SLC38A4: variants seen among roughly 807,000 people sequenced by gnomAD.
SLC38A4 encodes the protein sodium-coupled neutral amino acid transporter 4.
Under a neutral mutation model 63.1 loss-of-function variants are expected in SLC38A4, and 20 were observed. The ratio of observed to expected loss-of-function variants is 0.32; its 90% CI spans 0.22 to 0.46. The LOEUF (loss-of-function observed/expected upper bound fraction) is 0.46, where lower values mean the gene tolerates loss of function less well. SLC38A4 is among the 20% of genes least tolerant of loss of function. The pLI is 1.00. For missense variants in SLC38A4, 526 were observed against 663.6 expected, an observed-to-expected ratio of 0.79 and a Z score of 2.28; for synonymous variants, 230 against 225.5, an observed-to-expected ratio of 1.02 and a Z score of -0.18.
At chr12:46,788,482 G>C in intron 4 of SLC38A4, 46 bp downstream of exon 4, 3 of 1,474,748 alleles carry the variant, frequency 2.0e-6, no homozygotes, top group Non-Finnish European at 2.8e-6. Flanking sequence ...AGGTAGATCA[G>C]ACACCCTCAG....
chr12:46,804,347 C>G (rs922441510), intron 1 of SLC38A4, among the ~76,000 whole-genome samples: 2 of 151,818 alleles, frequency 1.3e-5, no homozygotes, highest in African/African-American at 4.8e-5. Flanking sequence ...ACTTGGCTCT[C>G]AACATGTCAG....
At chr12:46,770,701 A>G (rs1208960043) in intron 14 of SLC38A4, among the ~76,000 whole-genome samples, 1 of 151,932 alleles carries the variant, frequency 6.6e-6, no homozygotes, top group Non-Finnish European at 1.5e-5. Context: ...AGTTGAAAAC[A>G]CTCTTATCTT....
chr12:46,783,009 T>A (rs1331153148), intron 7 of SLC38A4, among the ~76,000 whole-genome samples: 10 of 90,364 alleles, frequency 1.1e-4, no homozygotes, highest in African/African-American at 3.5e-4. Flanking sequence ...GTGAGCAGAG[T>A]GAGAGAGAAA....
upstream of SLC38A4, among the ~76,000 whole-genome samples, chr12:46,826,571 C>T (rs1335606307): frequency 6.6e-6 from 1 of 152,132 alleles, no homozygotes; most frequent in Admixed American, 6.5e-5. Context: ...CTCCTAAAAT[C>T]CCTGTGAGGT....
intron 1 of SLC38A4, among the ~76,000 whole-genome samples, chr12:46,809,441 A>T (rs1027385001): frequency 1.3e-5 from 2 of 152,068 alleles, no homozygotes; most frequent in Non-Finnish European, 2.9e-5. Context: ...TCTCCTCAGT[A>T]GAGAAGAGGG....
intron 1 of SLC38A4, among the ~76,000 whole-genome samples, chr12:46,806,525 C>G (rs1230105813): frequency 6.6e-6 from 1 of 151,794 alleles, no homozygotes; most frequent in East Asian, 1.9e-4. Flanking sequence ...AGAATAATGG[C>G]AGAAGGAAAG....
At chr12:46,801,446 C>T (rs1939131116) in intron 2 of SLC38A4, among the ~76,000 whole-genome samples, 1 of 152,030 alleles carries the variant, frequency 6.6e-6, no homozygotes, top group Admixed American at 6.6e-5. Context: ...TTACTGTAAA[C>T]ATTTATTTTA....
chr12:46,771,540 C>G (rs180408), intron 14 of SLC38A4, among the ~76,000 whole-genome samples: 104,091 of 151,904 alleles, frequency 0.69, 37,120 homozygotes, highest in Middle Eastern at 0.81. Context: ...AAGTTTATGG[C>G]AATAATAGGT....
intron 1 of SLC38A4, among the ~76,000 whole-genome samples, chr12:46,804,395 G>A (rs1016071174): frequency 6.6e-6 from 1 of 151,714 alleles, no homozygotes; most frequent in East Asian, 1.9e-4. Flanking sequence ...TTATATGTTG[G>A]CAAATCATTT....
At chr12:46,801,616 G>T (rs368294572) in intron 2 of SLC38A4, among the ~76,000 whole-genome samples, 1 of 152,052 alleles carries the variant, frequency 6.6e-6, no homozygotes, top group Non-Finnish European at 1.5e-5. Flanking sequence ...CCCTTTGGTT[G>T]AGCAAGGGTC....
intron 1 of SLC38A4, among the ~76,000 whole-genome samples, chr12:46,822,788 T>C (rs930919609): frequency 1.3e-5 from 2 of 152,218 alleles, no homozygotes; most frequent in East Asian, 1.9e-4. Context: ...AATGTTTGTA[T>C]AGAGTTTGGC....
intron 1 of SLC38A4, among the ~76,000 whole-genome samples, chr12:46,820,419 C>T (rs544479187): frequency 6.6e-6 from 1 of 152,128 alleles, no homozygotes; most frequent in African/African-American, 2.4e-5. Context: ...TAATTGGAGT[C>T]ATGCAGGATT....
chr12:46,807,821 T>C (rs947209422), intron 1 of SLC38A4, among the ~76,000 whole-genome samples: 8 of 151,792 alleles, frequency 5.3e-5, no homozygotes, highest in African/African-American at 1.9e-4. Context: ...CTTTACATGG[T>C]TCTGTAATTA....
upstream of SLC38A4, among the ~76,000 whole-genome samples, chr12:46,830,100 C>G (rs1939708755): frequency 1.3e-5 from 2 of 152,108 alleles, no homozygotes; most frequent in African/African-American, 4.8e-5. Context: ...TCTCTTTACA[C>G]CACCAATCTT....
chr12:46,801,402 TGAGTC>T (rs1026482868), intron 2 of SLC38A4, among the ~76,000 whole-genome samples: 22 of 152,078 alleles, frequency 1.4e-4, no homozygotes, highest in African/African-American at 4.8e-4. Context: ...AAACAGTCCT[TGAGTC>T]GAGAAGCAAA....
At chr12:46,797,208 A>G (rs958008498) in intron 2 of SLC38A4, among the ~76,000 whole-genome samples, 3 of 152,116 alleles carry the variant, frequency 2.0e-5, no homozygotes, top group African/African-American at 7.2e-5. Flanking sequence ...AAAGGATGGG[A>G]AGATAGCAAG....
chr12:46,781,484 A>G (rs1301997111), intron 7 of SLC38A4, among the ~76,000 whole-genome samples: 1 of 152,084 alleles, frequency 6.6e-6, no homozygotes, highest in Middle Eastern at 3.2e-3. Flanking sequence ...TTTGGTCTTC[A>G]AAAATTCAGA....
chr12:46,771,647 G>A (rs991626247), intron 14 of SLC38A4, among the ~76,000 whole-genome samples: 1 of 152,082 alleles, frequency 6.6e-6, no homozygotes, highest in Admixed American at 6.6e-5. Context: ...GTGCATTCCT[G>A]AAGAGAGCAA....
upstream of SLC38A4, among the ~76,000 whole-genome samples, chr12:46,830,040 C>A (rs1178912033): frequency 6.6e-6 from 1 of 151,660 alleles, no homozygotes; most frequent in Non-Finnish European, 1.5e-5. Context: ...TAGTTCAGAC[C>A]AGCCTCCAGC....
Sources: allele counts gnomAD v4.1 joint callset (sites outside exome capture counted in the v4.1 genomes callset), GRCh38; gene constraint gnomAD v4.1.1; transcripts MANE v1.5; gene names NCBI Gene and HGNC (gene_info 2026-07-23, HGNC 2026-07-21).